Variants in BRINP2 observed in about 807,000 individuals in gnomAD.
BRINP2 encodes BMP/retinoic acid-inducible neural-specific protein 2.
In BRINP2, 21 loss-of-function variants were observed where a neutral mutation model predicts 69.2. The observed-to-expected ratio is 0.30, with a 90% confidence interval of 0.22 to 0.44. BRINP2 has a LOEUF of 0.44. Ranked by LOEUF, BRINP2 falls within the 20% of genes least tolerant of loss-of-function variation. The pLI, the probability that BRINP2 is intolerant of heterozygous loss-of-function variation, is 1.00. For missense variants in BRINP2, 877 were observed against 986.0 expected (o/e 0.89, Z 1.48); for synonymous variants, 380 against 394.1 (o/e 0.96, Z 0.42).
rs753980724 is a variant in BRINP2 at position 177,280,888 on chromosome 1, C to T, written c.1712C>T (p.Ser571Phe). 95 of 1,614,076 alleles carry T rather than the reference C, an allele frequency of 5.9e-5. No homozygotes were observed. Among genetic ancestry groups the T allele is most frequent in the Non-Finnish European group, 7.8e-5 (92 of 1,180,034 alleles). ...CTGGTGCACGTGATGTTGGCCTTGT[C>T]CTTGCAGATCTGTCTCACCAAGAAC... ...PGLVHVMLAL[S>F]LQICLTKNST... The change falls in exon 8 of 8, where the codon TCC (serine) becomes TTC (phenylalanine). Residue 571 changes from serine to phenylalanine, a missense_variant. By Grantham distance (155) the Ser-to-Phe change is radical. This residue lies in a region of BRINP2 where 86 missense variants were observed against 142.1 expected (regional missense o/e 0.61). Coordinates refer to ENST00000361539, the MANE Select transcript of BRINP2 (RefSeq NM_021165.4).
chr1:177,261,085 C>T (rs1650934164), intron 4 of BRINP2, among the ~76,000 whole-genome samples: 1 of 151,874 alleles, frequency 6.6e-6, no homozygotes, highest in Admixed American at 6.6e-5. Context: ...ACATCAGAGA[C>T]AAAGGACAGA....
At chr1:177,204,838 C>G (rs999219976) in intron 1 of BRINP2, among the ~76,000 whole-genome samples, 1 of 152,072 alleles carries the variant, frequency 6.6e-6, no homozygotes, top group Non-Finnish European at 1.5e-5. Context: ...TTTTTCTAAG[C>G]AGATATACAT....
chr1:177,200,320 A>AAAAAAAAAAAAAAAAAC (rs1648871272), intron 1 of BRINP2, among the ~76,000 whole-genome samples: 1 of 146,528 alleles, frequency 6.8e-6, no homozygotes, highest in Non-Finnish European at 1.5e-5. Flanking sequence ...AAAAAAAAAA[A>AAAAAAAAAAAAAAAAAC]AAGAATGCAT....
Position 177,171,015 on chromosome 1 carries a change from G to T in BRINP2, c.-794G>T, listed in dbSNP as rs932373216. On this transcript the variant is annotated 5_prime_UTR_variant, in exon 1 of 8. Transcript: ENST00000361539. Reference sequence around the variant, plus strand: ...CGCGGAGTCGGAGCGGGGACGCGCCGGGCTGCAGCTCTGGGATGCAATCCG... The same window carrying T: ...CGCGGAGTCGGAGCGGGGACGCGCCTGGCTGCAGCTCTGGGATGCAATCCG... Among the ~76,000 whole-genome samples, 1 of 152,228 alleles carries T rather than the reference G, an allele frequency of 6.6e-6. No individual in the cohort carries two copies. Among genetic ancestry groups the T allele is most frequent in the African/African-American group, 2.4e-5 (1 of 41,472 alleles).
intron 1 of BRINP2, among the ~76,000 whole-genome samples, chr1:177,189,843 C>T (rs1391315215): frequency 4.6e-5 from 7 of 152,082 alleles, no homozygotes; most frequent in South Asian, 2.1e-4. Context: ...ACCATCTTAA[C>T]GTTAAGTCAT....
At chr1:177,191,336 T>A (rs572106081) in intron 1 of BRINP2, among the ~76,000 whole-genome samples, 1 of 152,314 alleles carries the variant, frequency 6.6e-6, no homozygotes, top group Admixed American at 6.5e-5. Flanking sequence ...CAAGCTAAAC[T>A]GAATAAAACT....
intron 1 of BRINP2, among the ~76,000 whole-genome samples, chr1:177,177,196 G>A (rs571103756): frequency 4.6e-5 from 7 of 151,862 alleles, no homozygotes; most frequent in East Asian, 1.9e-4. Flanking sequence ...CAGGAGAATC[G>A]CTTGAACTCA....
At chr1:177,219,847 G>A (rs990062921) in intron 1 of BRINP2, among the ~76,000 whole-genome samples, 3 of 152,148 alleles carry the variant, frequency 2.0e-5, no homozygotes, top group Non-Finnish European at 4.4e-5. Flanking sequence ...TTGGCTTCCC[G>A]GGCCTTAAAC....
At position 177,277,545 on chromosome 1, in the gene BRINP2, G is replaced by A. The variant is rs550694461; in HGVS notation, c.1013-1018G>A. The stretch of plus-strand genomic sequence containing the variant: ...ACCTATGCACATACTAGATGTTAGT[G>A]CCATTACTAGGCATGATTCTCCAAT... On this transcript the variant is annotated intron_variant, in intron 6 of 7. Transcript: ENST00000361539. Among the ~76,000 whole-genome samples the A allele has an allele frequency of 1.5e-4, 22 of 151,436 alleles. No homozygotes were observed. The South Asian group carries it at 4.4e-3, about 30-fold the overall frequency.
chr1:177,266,186 C>T (rs1651113812), intron 4 of BRINP2, among the ~76,000 whole-genome samples: 1 of 151,910 alleles, frequency 6.6e-6, no homozygotes, highest in South Asian at 2.1e-4. Context: ...AGATTAATTC[C>T]TGTTCTTAAC....
chr1:177,218,236 C>A (rs1450030205), intron 1 of BRINP2, among the ~76,000 whole-genome samples: 1 of 151,958 alleles, frequency 6.6e-6, no homozygotes, highest in Non-Finnish European at 1.5e-5. Context: ...CTAGTGCCTG[C>A]TTGTTGTGGA....
intron 1 of BRINP2, among the ~76,000 whole-genome samples, chr1:177,214,310 G>C (rs552905965): frequency 1.3e-5 from 2 of 152,218 alleles, no homozygotes; most frequent in South Asian, 4.2e-4. Context: ...GCCGGAGCCT[G>C]TAATCCCAGC....
chr1:177,213,520 A>T (rs1649286615), intron 1 of BRINP2, among the ~76,000 whole-genome samples: 1 of 152,240 alleles, frequency 6.6e-6, no homozygotes, highest in South Asian at 2.1e-4. Context: ...TTTGATTTTT[A>T]AAATACTGAA....
At chr1:177,256,412 C>T in intron 3 of BRINP2, 1 of 985,450 alleles carries the variant, frequency 1.0e-6, no homozygotes, top group East Asian at 1.1e-4. Context: ...CACCCAACCC[C>T]TGAGGCTTCG....
At chr1:177,262,673 A>G (rs1279230439) in intron 4 of BRINP2, among the ~76,000 whole-genome samples, 1 of 152,210 alleles carries the variant, frequency 6.6e-6, no homozygotes, top group Non-Finnish European at 1.5e-5. Flanking sequence ...GCAGCAGGAT[A>G]TTAGTTGCAT....
chr1:177,205,132 AC>A (rs1200123552), intron 1 of BRINP2, among the ~76,000 whole-genome samples: 1 of 151,906 alleles, frequency 6.6e-6, no homozygotes, highest in African/African-American at 2.4e-5. Flanking sequence ...TTCTTTCTTC[AC>A]CTATACTTTT....
In BRINP2 at chr1:177,273,551, T is replaced by A; in HGVS notation, c.733T>A (p.Ser245Thr). 1 of 1,609,622 alleles carries A rather than the reference T, an allele frequency of 6.2e-7. No individual in the cohort carries two copies. The highest frequency in any genetic ancestry group is 8.5e-7 in the Non-Finnish European group (1 of 1,177,718). ...CTATGACAATCTGGACTCAGTCAGT[T>A]CTGTCTTGGTACAGAGTCCAGAGAA... is the stretch of plus-strand genomic sequence containing the variant. Reference protein sequence around the residue: ...SNYDNLDSVSSVLVQSPENKV... With the variant: ...SNYDNLDSVSTVLVQSPENKV... The change falls in exon 5 of 8, where the codon TCT (serine) becomes ACT (threonine). Residue 245 changes from serine (S) to threonine (T), a missense_variant. Around this residue, in one of 3 missense-constraint regions of BRINP2, gnomAD observed 566 missense variants for 625.2 expected, o/e 0.91. Transcript: ENST00000361539.
Position 177,256,116 on chromosome 1 carries a change from A to G in BRINP2, c.460+7A>G. 6.2e-7 allele frequency: 1 copy of G among 1,613,318 alleles called. No individual in the cohort carries two copies. Among genetic ancestry groups the G allele is most frequent in the Non-Finnish European group, 8.5e-7 (1 of 1,179,362 alleles). On this transcript the variant is annotated splice_region_variant and intron_variant, in intron 3 of 7. Transcript: ENST00000361539. ...CTTTCTGCCACCCTTGGAGGTAAGC[A>G]ACATCACAATCCCAAGCTAATTGGT...
intron 1 of BRINP2, among the ~76,000 whole-genome samples, chr1:177,200,854 A>AT (rs1450578327): frequency 6.6e-6 from 1 of 152,200 alleles, no homozygotes; most frequent in African/African-American, 2.4e-5. Context: ...GTTACTCAAT[A>AT]TTTTTTGAAA....
Sources: allele counts gnomAD v4.1 joint callset (sites outside exome capture counted in the v4.1 genomes callset), GRCh38; gene constraint gnomAD v4.1.1; regional missense constraint gnomAD v4.1.1; transcripts MANE v1.5; gene names NCBI Gene and HGNC (gene_info 2026-07-23, HGNC 2026-07-21).